SFMBT2: variants seen among roughly 807,000 people sequenced by gnomAD.
SFMBT2 encodes scm-like with four MBT domains protein 2.
SFMBT2 carries 38 observed loss-of-function variants against 110.1 expected under a neutral mutation model. The ratio of observed to expected loss-of-function variants is 0.35; its 90% CI spans 0.27 to 0.45. The LOEUF (loss-of-function observed/expected upper bound fraction) is 0.45. Among genes scored for constraint, SFMBT2 ranks in the 20% least tolerant of loss-of-function variants. The pLI is 1.00. For synonymous variants in SFMBT2, 425 were observed against 425.4 expected (o/e 1.00, Z 0.01); for missense variants, 1,011 against 1,094.9 (o/e 0.92, Z 1.08).
At chr10:7,391,507 G>A (rs563621613) in intron 1 of SFMBT2, among the ~76,000 whole-genome samples, 2 of 151,066 alleles carry the variant, frequency 1.3e-5, no homozygotes, top group Non-Finnish European at 1.5e-5. Flanking sequence ...AAGCTCACAT[G>A]ACTCTGGAGG....
Position 7,301,690 on chromosome 10 carries a change from C to T in SFMBT2, c.437-15736G>A, listed in dbSNP as rs1842563214. On this transcript the variant is annotated intron_variant, in intron 4 of 20. Coordinates refer to ENST00000397167, the MANE Select transcript of SFMBT2 (RefSeq NM_001387889.1). The surrounding 1 kb of genome is among the most constrained non-coding windows in gnomAD (Gnocchi z 4.2). ...TTGGGCCATTTACTATTCTGAAACGCAGAAACTGGTATTTCTTGACATGGG... is the reference window on the plus strand; with the variant it reads ...TTGGGCCATTTACTATTCTGAAACGTAGAAACTGGTATTTCTTGACATGGG... Among the ~76,000 whole-genome samples the T allele has an allele frequency of 6.6e-6, 1 of 152,186 alleles. No individual in the cohort carries two copies. Among genetic ancestry groups the T allele is most frequent in the Admixed American group, 6.5e-5 (1 of 15,280 alleles).
intron 1 of SFMBT2, among the ~76,000 whole-genome samples, chr10:7,393,901 G>A (rs1845849580): frequency 6.6e-6 from 1 of 152,210 alleles, no homozygotes; most frequent in Non-Finnish European, 1.5e-5. Context: ...CACTACATCA[G>A]AGGAAAATAA....
rs537518644 is a variant in SFMBT2, at chr10:7,287,437, A to G, written c.437-1483T>C. On this transcript the variant is annotated intron_variant, in intron 4 of 20. Transcript: ENST00000397167. ...GGAGGGCAACATTCTACAAGTGCTT[A>G]GAACCCAAGACCTGAGGAAAGCATA... 2.0e-5 allele frequency: 5 copies of G among 244,194 alleles called. No homozygotes were observed. The East Asian group carries it at 8.9e-4, about 43-fold the overall frequency. The allele number at this position is 244,194 out of a possible 1,614,324, so 15.1% of individuals were successfully genotyped here. A position where few individuals can be genotyped will look rare whatever the true frequency, so the allele number is the denominator to read the frequency against.
At chr10:7,192,910 A>G (rs186194811) in intron 15 of SFMBT2, among the ~76,000 whole-genome samples, 1 of 152,162 alleles carries the variant, frequency 6.6e-6, no homozygotes, top group Non-Finnish European at 1.5e-5. Flanking sequence ...TTTGGACCTC[A>G]GCTGAGTGCC....
At chr10:7,372,416 C>T (rs1403384496) in intron 2 of SFMBT2, among the ~76,000 whole-genome samples, 1 of 152,112 alleles carries the variant, frequency 6.6e-6, no homozygotes, top group Non-Finnish European at 1.5e-5. Flanking sequence ...GACTTACAGT[C>T]AAACATCCAA....
intron 7 of SFMBT2, among the ~76,000 whole-genome samples, chr10:7,256,944 T>C (rs954270711): frequency 6.6e-6 from 1 of 151,868 alleles, no homozygotes; most frequent in South Asian, 2.1e-4. Flanking sequence ...ATATAAAAAT[T>C]AGCTGGGCGT....
chr10:7,194,010 G>A (rs1467881957), intron 15 of SFMBT2, among the ~76,000 whole-genome samples: 1 of 152,128 alleles, frequency 6.6e-6, no homozygotes, highest in South Asian at 2.1e-4. Context: ...CGTGACTTAG[G>A]ATAAACAGCA....
At chr10:7,410,447 A>G (rs1450465083) in intron 1 of SFMBT2, among the ~76,000 whole-genome samples, 2 of 152,254 alleles carry the variant, frequency 1.3e-5, no homozygotes, top group Non-Finnish European at 2.9e-5. Flanking sequence ...AAATGAGTGC[A>G]GAAACGAGGA....
chr10:7,273,906 C>T (rs7087718), intron 7 of SFMBT2, among the ~76,000 whole-genome samples: 80,420 of 152,018 alleles, frequency 0.53, 21,712 homozygotes, highest in East Asian at 0.79. Context: ...AAATACCATT[C>T]GACCCAGCCA....
chr10:7,379,960 C>T (rs910088819), intron 2 of SFMBT2, among the ~76,000 whole-genome samples: 5 of 152,128 alleles, frequency 3.3e-5, no homozygotes, highest in Admixed American at 1.3e-4. Flanking sequence ...ACACTGCAAC[C>T]GTGTGCACAT....
At chr10:7,407,419 A>T (rs1846249633) in intron 1 of SFMBT2, among the ~76,000 whole-genome samples, 1 of 152,064 alleles carries the variant, frequency 6.6e-6, no homozygotes, top group Admixed American at 6.5e-5. Context: ...GGGCAGCGGC[A>T]ACCGAGCCAG....
intron 7 of SFMBT2, among the ~76,000 whole-genome samples, chr10:7,267,451 T>C (rs1400365222): frequency 6.6e-6 from 1 of 152,152 alleles, no homozygotes; most frequent in Non-Finnish European, 1.5e-5. Context: ...CAGTTGTCTT[T>C]CTGTTTGTTT....
At chr10:7,201,523 C>T (rs1295414303) in intron 13 of SFMBT2, among the ~76,000 whole-genome samples, 2 of 152,064 alleles carry the variant, frequency 1.3e-5, no homozygotes, top group Admixed American at 1.3e-4. Context: ...TAGAACCAAA[C>T]CCACAAAAAA....
At chr10:7,185,490 A>G (rs556060492) in intron 16 of SFMBT2, among the ~76,000 whole-genome samples, 1 of 152,308 alleles carries the variant, frequency 6.6e-6, no homozygotes, top group South Asian at 2.1e-4. Context: ...ACACAAAATT[A>G]ACCACTGCTT....
intron 9 of SFMBT2, 86 bp downstream of exon 9, chr10:7,243,472 C>T (rs566507547): frequency 1.2e-6 from 1 of 812,018 alleles, no homozygotes; most frequent in African/African-American, 1.7e-5. Flanking sequence ...CAACCAGCCT[C>T]CCCAGATTAA....
At chr10:7,302,277 A>G (rs1842574883) in intron 4 of SFMBT2, among the ~76,000 whole-genome samples, 1 of 152,184 alleles carries the variant, frequency 6.6e-6, no homozygotes, top group Non-Finnish European at 1.5e-5. Flanking sequence ...TCTCTCATGT[A>G]GTTGAAATAT....
intron 1 of SFMBT2, among the ~76,000 whole-genome samples, chr10:7,391,903 T>C (rs769925159): frequency 3.3e-5 from 5 of 152,292 alleles, no homozygotes; most frequent in South Asian, 2.1e-4. Flanking sequence ...CTTGAAATGG[T>C]TGGATAATTT....
intron 4 of SFMBT2, among the ~76,000 whole-genome samples, chr10:7,333,735 T>TCC (rs1362337236): frequency 1.3e-5 from 2 of 150,076 alleles, no homozygotes; most frequent in Non-Finnish European, 3.0e-5. Flanking sequence ...TCTCTCTCTC[T>TCC]CCCCAACACC....
chr10:7,228,532 G>T, intron 9 of SFMBT2: 1 of 186,500 alleles, frequency 5.4e-6, no homozygotes, highest in Non-Finnish European at 1.0e-5. Flanking sequence ...ACCTGCTGAG[G>T]CTGAAGGAAC....
Sources: allele counts gnomAD v4.1 joint callset (sites outside exome capture counted in the v4.1 genomes callset), GRCh38; gene constraint gnomAD v4.1.1; non-coding constraint Gnocchi (gnomAD v3.1); transcripts MANE v1.5; gene names NCBI Gene and HGNC (gene_info 2026-07-23, HGNC 2026-07-21).